Variants in PRKCE observed in about 807,000 individuals in gnomAD.
PRKCE encodes protein kinase C epsilon.
In PRKCE, 16 loss-of-function variants were observed where a neutral mutation model predicts 85.4. The observed-to-expected ratio is 0.19, with a 90% CI of 0.13 to 0.28. The LOEUF is 0.28. Among genes scored for constraint, PRKCE ranks in the 10% least tolerant of loss-of-function variants. PRKCE has a pLI of 1.00. For missense variants in PRKCE, 573 were observed against 975.2 expected, an observed-to-expected ratio of 0.59 and a Z score of 5.49; for synonymous variants, 388 against 371.5, an observed-to-expected ratio of 1.04 and a Z score of -0.51.
At chr2:45,970,567 G>C (rs1202582411) in intron 2 of PRKCE, among the ~76,000 whole-genome samples, 1 of 152,080 alleles carries the variant, frequency 6.6e-6, no homozygotes, top group East Asian at 1.9e-4. Context: ...AAAGGAGACT[G>C]TTCTAGACTA....
At chr2:46,114,818 G>A (rs776610153) in intron 11 of PRKCE, among the ~76,000 whole-genome samples, 12 of 152,118 alleles carry the variant, frequency 7.9e-5, no homozygotes, top group Admixed American at 2.6e-4. Flanking sequence ...ATACTGATGT[G>A]AGTTTAAAAT....
chr2:45,910,435 C>T (rs762366731), intron 2 of PRKCE, among the ~76,000 whole-genome samples: 1 of 152,140 alleles, frequency 6.6e-6, no homozygotes, highest in Admixed American at 6.5e-5. Context: ...TTTTCTCTAG[C>T]CTAGTACTAC....
At chr2:45,968,209 C>G (rs935999417) in intron 2 of PRKCE, among the ~76,000 whole-genome samples, 2 of 151,752 alleles carry the variant, frequency 1.3e-5, no homozygotes, top group Non-Finnish European at 2.9e-5. Context: ...TGGAATCAAT[C>G]TAAGTGCTCA....
intron 10 of PRKCE, among the ~76,000 whole-genome samples, chr2:46,056,514 C>A (rs1666597840): frequency 6.6e-6 from 1 of 152,158 alleles, no homozygotes; most frequent in South Asian, 2.1e-4. Context: ...ATCCTTTCAT[C>A]TTTTCTTTCT....
At chr2:45,705,696 G>C (rs1679057894) in intron 1 of PRKCE, among the ~76,000 whole-genome samples, 1 of 152,178 alleles carries the variant, frequency 6.6e-6, no homozygotes, top group African/African-American at 2.4e-5. Flanking sequence ...ATTCTTCTCA[G>C]CTGAATATCC....
At chr2:45,838,434 A>G (rs2012995) in intron 1 of PRKCE, among the ~76,000 whole-genome samples, 65,922 of 152,078 alleles carry the variant, frequency 0.43, 14,454 homozygotes, top group Middle Eastern at 0.54. Context: ...TAGATGAACT[A>G]ATGCAGGTAA....
In PRKCE at chr2:45,651,898, C is replaced by G. The variant is rs1675142899; in HGVS notation, c.-203C>G. 4.0e-6 allele frequency: 2 copies of G among 497,156 alleles called. No homozygotes were observed. The highest frequency in any genetic ancestry group is 7.1e-6 in the Non-Finnish European group (2 of 282,886). 30.8% of individuals were successfully genotyped at this position (497,156 alleles called of 1,614,324 possible). ...CCAGCTCTCCCCCCTCCCTGTTTTC[C>G]GTTAGGAACCCGGCGAGGAAATACA... On this transcript the variant is annotated 5_prime_UTR_variant, in exon 1 of 15. Transcript: ENST00000306156.
At chr2:45,809,536 C>A (rs575819457) in intron 1 of PRKCE, among the ~76,000 whole-genome samples, 2 of 152,078 alleles carry the variant, frequency 1.3e-5, no homozygotes, top group Non-Finnish European at 2.9e-5. Flanking sequence ...AACAGAAAGC[C>A]TCCAATAATA....
chr2:45,842,477 A>G (rs753954524), intron 1 of PRKCE, among the ~76,000 whole-genome samples: 1 of 152,156 alleles, frequency 6.6e-6, no homozygotes, highest in Non-Finnish European at 1.5e-5. Flanking sequence ...TTTCTGTGGT[A>G]TAAAGAACAT....
At chr2:45,932,711 A>G (rs1699131618) in intron 2 of PRKCE, among the ~76,000 whole-genome samples, 1 of 152,216 alleles carries the variant, frequency 6.6e-6, no homozygotes, top group African/African-American at 2.4e-5. Flanking sequence ...TTACTGGACA[A>G]CCATGACCAC....
intron 2 of PRKCE, among the ~76,000 whole-genome samples, chr2:45,965,775 G>GT (rs1468380475): frequency 2.0e-5 from 3 of 151,886 alleles, no homozygotes; most frequent in Admixed American, 6.6e-5. Flanking sequence ...GCTTATATGC[G>GT]TTTGAGTGTA....
chr2:45,744,437 CT>C (rs1319344245), intron 1 of PRKCE, among the ~76,000 whole-genome samples: 1 of 44,962 alleles, frequency 2.2e-5, no homozygotes, highest in Non-Finnish European at 4.2e-5. Context: ...TTCTTTCTTT[CT>C]TTCTTTCTTT....
intron 11 of PRKCE, among the ~76,000 whole-genome samples, chr2:46,144,230 G>A (rs753595921): frequency 1.1e-4 from 17 of 152,158 alleles, no homozygotes; most frequent in Non-Finnish European, 1.9e-4. Flanking sequence ...GTGGGTCCAG[G>A]TGATTATAAG....
At position 46,001,427 on chromosome 2, in the gene PRKCE, C is replaced by G; in HGVS notation, c.847C>G (p.Arg283Gly). 6.3e-7 allele frequency: 1 copy of G among 1,599,352 alleles called. No homozygotes were observed. Among genetic ancestry groups the G allele is most frequent in the East Asian group, 2.2e-5 (1 of 44,856 alleles). Residue 283 changes from arginine to glycine, a missense_variant, in exon 7 of 15, where the codon CGA (arginine) becomes GGA (glycine). Physicochemically the swap from Arg to Gly is moderately radical, Grantham distance 125. Around this residue, in one of 11 missense-constraint regions of PRKCE, gnomAD observed 55 missense variants for 128.1 expected, o/e 0.43. Coordinates refer to ENST00000306156, the MANE Select transcript of PRKCE (RefSeq NM_005400.3). The surrounding 1 kb of genome is among the most constrained non-coding windows in gnomAD (Gnocchi z 4.4). ...CKVCKMNVHR[R>G]CETNVAPNCG... ...AGTCTGCAAAATGAATGTTCACCGT[C>G]GATGTGAGACCAACGTGGCTCCCAA...
chr2:46,137,187 G>C (rs1266446720), intron 11 of PRKCE, among the ~76,000 whole-genome samples: 6 of 152,148 alleles, frequency 3.9e-5, no homozygotes, highest in Non-Finnish European at 8.8e-5. Context: ...GAGTCTTAAA[G>C]ATATGTTGGA....
intron 2 of PRKCE, among the ~76,000 whole-genome samples, chr2:45,915,074 A>G (rs1697664463): frequency 6.6e-6 from 1 of 152,156 alleles, no homozygotes; most frequent in Non-Finnish European, 1.5e-5. Flanking sequence ...TTTTTAGTAT[A>G]GTTGGGGTTT....
At chr2:45,739,266 C>G (rs977806945) in intron 1 of PRKCE, among the ~76,000 whole-genome samples, 3 of 152,166 alleles carry the variant, frequency 2.0e-5, no homozygotes, top group African/African-American at 7.2e-5. Flanking sequence ...CATCATTGGA[C>G]AGAGGAGAAA....
chr2:46,179,393 C>CA (rs1410183855), intron 14 of PRKCE, among the ~76,000 whole-genome samples: 2 of 152,086 alleles, frequency 1.3e-5, no homozygotes, highest in African/African-American at 4.8e-5. Context: ...GTCTCTAGGC[C>CA]TCAGAGCTGC....
intron 1 of PRKCE, among the ~76,000 whole-genome samples, chr2:45,755,437 C>G (rs559245068): frequency 1.3e-5 from 2 of 152,324 alleles, no homozygotes; most frequent in South Asian, 4.1e-4. Context: ...CTGCCCAAGA[C>G]ACGGTCCTTC....
Sources: allele counts gnomAD v4.1 joint callset (sites outside exome capture counted in the v4.1 genomes callset), GRCh38; gene constraint gnomAD v4.1.1; regional missense constraint gnomAD v4.1.1; non-coding constraint Gnocchi (gnomAD v3.1); transcripts MANE v1.5; gene names NCBI Gene and HGNC (gene_info 2026-07-23, HGNC 2026-07-21).